Variants in SNX29 observed in about 807,000 individuals in gnomAD.
SNX29 encodes the protein sorting nexin-29.
Under a neutral mutation model 102.1 loss-of-function variants are expected in SNX29, and 78 were observed. That is an observed-to-expected ratio of 0.76 (90% CI 0.64 to 0.92). The LOEUF is 0.92. SNX29 is among the 40% of genes least tolerant of loss of function. The pLI is 0.00. For missense variants in SNX29, 1,280 were observed against 1,061.7 expected (o/e 1.21, Z -2.86); for synonymous variants, 580 against 414.5 (o/e 1.40, Z -4.85).
intron 18 of SNX29, among the ~76,000 whole-genome samples, chr16:12,418,942 C>T (rs929126360): frequency 6.6e-6 from 1 of 152,178 alleles, no homozygotes; most frequent in Non-Finnish European, 1.5e-5. Flanking sequence ...TATACATCTG[C>T]CTAAACCTGT....
At chr16:12,080,025 T>TTTTATATA (rs1473323659) in intron 11 of SNX29, among the ~76,000 whole-genome samples, 1 of 152,156 alleles carries the variant, frequency 6.6e-6, no homozygotes, top group East Asian at 1.9e-4. Context: ...ATATGGTATG[T>TTTTATATA]TTTATATATT....
At chr16:12,251,822 C>T (rs910020576) in intron 14 of SNX29, among the ~76,000 whole-genome samples, 4 of 151,958 alleles carry the variant, frequency 2.6e-5, no homozygotes, top group African/African-American at 4.8e-5. Context: ...TGTGGTGGCA[C>T]GATCACGGCT....
rs1253052032 is a variant in SNX29 at position 12,126,591 on chromosome 16, C to T, written c.1403-42C>T. 5.6e-6 allele frequency: 9 copies of T among 1,605,300 alleles called. No homozygotes were observed. In the Admixed American group the frequency reaches 8.4e-5, roughly 15 times the overall value. ...AGAGGTGAGGGCATGCTGTAACAGG[C>T]AAGACCTGCCAATTAATCTTGACTT... On this transcript the variant is annotated intron_variant, in intron 11 of 20. Transcript: ENST00000566228.
chr16:12,196,424 G>A (rs563039865), intron 13 of SNX29, among the ~76,000 whole-genome samples: 1 of 152,062 alleles, frequency 6.6e-6, no homozygotes, highest in African/African-American at 2.4e-5. Context: ...AGATTGAAAA[G>A]CATATTTCCC....
At chr16:12,535,319 A>G (rs1332108960) in intron 20 of SNX29, among the ~76,000 whole-genome samples, 2 of 152,120 alleles carry the variant, frequency 1.3e-5, no homozygotes, top group African/African-American at 4.8e-5. Flanking sequence ...TTGTATTTTT[A>G]GTAGAGATGA....
chr16:12,045,768 C>T (rs1207679726), intron 5 of SNX29, among the ~76,000 whole-genome samples: 12 of 151,950 alleles, frequency 7.9e-5, no homozygotes, highest in East Asian at 7.7e-4. Flanking sequence ...GGATTACAAG[C>T]GCCTGCCACC....
At chr16:12,310,561 T>C (rs1209193969) in intron 15 of SNX29, among the ~76,000 whole-genome samples, 1 of 151,564 alleles carries the variant, frequency 6.6e-6, no homozygotes, top group Admixed American at 6.6e-5. Context: ...TATGATTCCA[T>C]TTATAGAAAA....
Position 12,095,715 on chromosome 16 carries a change from T to C in SNX29, c.1402+16800T>C, listed in dbSNP as rs932328530. On this transcript the variant is annotated intron_variant, in intron 11 of 20. Coordinates refer to ENST00000566228, the MANE Select transcript of SNX29 (RefSeq NM_032167.5). ...ATCCCGATTGTTGCCTTCTTGCCCC[T>C]TTTTTTGGGGCTGGGGAGTGAAGGT... Among the ~76,000 whole-genome samples the C allele has an allele frequency of 4.6e-5, 7 of 152,154 alleles. No homozygotes were observed. In the East Asian group the frequency reaches 5.8e-4, roughly 13 times the overall value.
intron 13 of SNX29, among the ~76,000 whole-genome samples, chr16:12,184,748 A>G (rs1596457388): frequency 6.6e-6 from 1 of 152,220 alleles, no homozygotes; most frequent in East Asian, 1.9e-4. Context: ...GTTCTCATGT[A>G]ATTCATCCCC....
At chr16:12,557,025 C>CCCCG (rs1555458245) in intron 20 of SNX29, among the ~76,000 whole-genome samples, 1 of 20,392 alleles carries the variant, frequency 4.9e-5, no homozygotes, top group Non-Finnish European at 1.6e-4. Flanking sequence ...ACCCCCCCCC[C>CCCCG]GCCCCAAGAT....
At chr16:12,419,572 C>CA (rs1567544382) in intron 18 of SNX29, among the ~76,000 whole-genome samples, 1 of 151,746 alleles carries the variant, frequency 6.6e-6, no homozygotes, top group African/African-American at 2.4e-5. Context: ...GCCCCCCCCC[C>CA]CATCTTTCTG....
chr16:12,565,857 C>G (rs1009378952), intron 20 of SNX29, among the ~76,000 whole-genome samples: 1 of 152,226 alleles, frequency 6.6e-6, no homozygotes, highest in African/African-American at 2.4e-5. Flanking sequence ...CCGGGAAGCC[C>G]TCTGTGCCCT....
At chr16:12,310,050 A>G (rs80205348) in intron 15 of SNX29, among the ~76,000 whole-genome samples, 3,835 of 148,676 alleles carry the variant, frequency 0.026, 152 homozygotes, top group African/African-American at 0.09. Context: ...ACACATATGT[A>G]CACACACGCA....
At chr16:12,228,091 C>T (rs1231259927) in intron 14 of SNX29, among the ~76,000 whole-genome samples, 1 of 152,058 alleles carries the variant, frequency 6.6e-6, no homozygotes, top group Non-Finnish European at 1.5e-5. Flanking sequence ...GACTGGGCAA[C>T]ACAGTTGAGA....
chr16:11,997,232 C>T (rs2056107613), intron 1 of SNX29, among the ~76,000 whole-genome samples: 1 of 152,182 alleles, frequency 6.6e-6, no homozygotes, highest in South Asian at 2.1e-4. Flanking sequence ...CAGAGCCAAG[C>T]TTGTCCTACC....
At chr16:12,317,802 C>T (rs941732582) in intron 15 of SNX29, among the ~76,000 whole-genome samples, 1 of 152,234 alleles carries the variant, frequency 6.6e-6, no homozygotes, top group South Asian at 2.1e-4. Context: ...CTCCAAGCCT[C>T]AGTCTCTTCA....
chr16:12,203,294 G>C (rs1005084375), intron 14 of SNX29, among the ~76,000 whole-genome samples: 1 of 152,192 alleles, frequency 6.6e-6, no homozygotes, highest in African/African-American at 2.4e-5. Flanking sequence ...CTCTCAGGTG[G>C]ACTGGTGGTA....
At chr16:12,483,733 G>A (rs112047809) in intron 19 of SNX29, among the ~76,000 whole-genome samples, 3,446 of 152,290 alleles carry the variant, frequency 0.023, 51 homozygotes, top group Non-Finnish European at 0.035. Flanking sequence ...GTCCATCGTG[G>A]GTTGGCTCTG....
chr16:12,186,148 C>A (rs1280880616), intron 13 of SNX29, among the ~76,000 whole-genome samples: 1 of 152,080 alleles, frequency 6.6e-6, no homozygotes, highest in African/African-American at 2.4e-5. Flanking sequence ...CCCTTTTAAC[C>A]CTTACCACGT....
Sources: gnomAD v4.1 joint callset for allele counts (sites outside exome capture counted in the v4.1 genomes callset) on GRCh38, gnomAD v4.1.1 for gene constraint, MANE v1.5 for transcripts, NCBI Gene and HGNC (gene_info 2026-07-23, HGNC 2026-07-21) for gene names.